MAML3: variants seen among roughly 807,000 people sequenced by gnomAD.
MAML3 encodes the protein mastermind like transcriptional coactivator 3.
In MAML3, 27 loss-of-function variants were observed where a neutral mutation model predicts 101.9. That is an observed-to-expected ratio of 0.27 (90% CI 0.20 to 0.37). The LOEUF (loss-of-function observed/expected upper bound fraction) is 0.37. Ranked by LOEUF, MAML3 falls within the 10% of genes least tolerant of loss-of-function variation. The pLI, the probability that MAML3 is intolerant of heterozygous loss-of-function variation, is 1.00. For missense variants in MAML3, 1,316 were observed against 1,444.9 expected (o/e 0.91, Z 1.45); for synonymous variants, 501 against 555.9 (o/e 0.90, Z 1.39).
At chr4:139,891,912 A>G (rs1732508036) in intron 1 of MAML3, among the ~76,000 whole-genome samples, 1 of 152,064 alleles carries the variant, frequency 6.6e-6, no homozygotes, top group African/African-American at 2.4e-5. Context: ...TCCCTTTACC[A>G]GCTCTTTCTC....
chr4:140,068,021 G>A (rs1056021377), intron 1 of MAML3, among the ~76,000 whole-genome samples: 4 of 152,070 alleles, frequency 2.6e-5, no homozygotes, highest in South Asian at 2.1e-4. Flanking sequence ...GTGAGCCACC[G>A]CACCTGGCAA....
chr4:140,073,812 G>A (rs1258955487), intron 1 of MAML3, among the ~76,000 whole-genome samples: 1 of 152,102 alleles, frequency 6.6e-6, no homozygotes, highest in East Asian at 1.9e-4. Flanking sequence ...AGGAGGCCTG[G>A]TTTGGAGCAG....
intron 2 of MAML3, among the ~76,000 whole-genome samples, chr4:139,862,763 T>C (rs1215773852): frequency 6.6e-6 from 1 of 152,108 alleles, no homozygotes; most frequent in Non-Finnish European, 1.5e-5. Context: ...TGGACTAGAA[T>C]AGAACTAGAA....
At chr4:139,948,027 G>T (rs1387509484) in intron 1 of MAML3, among the ~76,000 whole-genome samples, 1 of 152,054 alleles carries the variant, frequency 6.6e-6, no homozygotes, top group African/African-American at 2.4e-5. Context: ...CTTGAACCTG[G>T]GAGGGTAGGT....
chr4:140,039,932 T>C (rs1727052824), intron 1 of MAML3, among the ~76,000 whole-genome samples: 2 of 152,196 alleles, frequency 1.3e-5, no homozygotes, highest in African/African-American at 4.8e-5. Flanking sequence ...ACTCATTTGC[T>C]ACTGCTGGAG....
chr4:140,067,925 G>T (rs1727568562), intron 1 of MAML3, among the ~76,000 whole-genome samples: 1 of 152,128 alleles, frequency 6.6e-6, no homozygotes, highest in African/African-American at 2.4e-5. Flanking sequence ...TAGAGACAAA[G>T]TTTCACCACT....
In MAML3 at chr4:140,151,608, G is replaced by C. The variant is rs570097350; in HGVS notation, c.468+1252C>G. Among the ~76,000 whole-genome samples, 46 of 152,104 alleles carry C rather than the reference G, an allele frequency of 3.0e-4. 2 individuals carry two copies. In the South Asian group the frequency reaches 6.0e-3, roughly 20 times the overall value. ...CCGCCGATCGCTGGGCGGTCTGCACGGGAAACAGGCGAAGGCGCGCGGCCC... is the reference window on the plus strand; with the variant it reads ...CCGCCGATCGCTGGGCGGTCTGCACCGGAAACAGGCGAAGGCGCGCGGCCC... On this transcript the variant is annotated intron_variant, in intron 1 of 4. Coordinates refer to ENST00000509479, the MANE Select transcript of MAML3 (RefSeq NM_018717.5).
At chr4:139,754,169 A>ATAT (rs1729592831) in intron 2 of MAML3, among the ~76,000 whole-genome samples, 1 of 152,238 alleles carries the variant, frequency 6.6e-6, no homozygotes, top group African/African-American at 2.4e-5. Context: ...AATGCAAACA[A>ATAT]TATTACTATG....
intron 1 of MAML3, among the ~76,000 whole-genome samples, chr4:140,024,807 A>T (rs1286420122): frequency 6.6e-6 from 1 of 152,232 alleles, no homozygotes; most frequent in African/African-American, 2.4e-5. Context: ...AACACTGGTT[A>T]GAGACGTGAA....
chr4:139,805,031 T>G (rs560388605), intron 2 of MAML3, among the ~76,000 whole-genome samples: 1 of 152,056 alleles, frequency 6.6e-6, no homozygotes, highest in Admixed American at 6.6e-5. Flanking sequence ...ATACAAAAAT[T>G]AGCCAGGTTA....
intron 1 of MAML3, among the ~76,000 whole-genome samples, chr4:140,007,403 C>A (rs6846081): frequency 0.26 from 39,637 of 152,056 alleles, 6,535 homozygotes; most frequent in Non-Finnish European, 0.37. Flanking sequence ...TCCTGGGATT[C>A]TTCCTAATGC....
chr4:139,761,494 C>T (rs72946581), intron 2 of MAML3, among the ~76,000 whole-genome samples: 2,047 of 152,262 alleles, frequency 0.013, 55 homozygotes, highest in African/African-American at 0.046. Flanking sequence ...GGCTTCCTTT[C>T]ATCCCATTAA....
intron 2 of MAML3, among the ~76,000 whole-genome samples, chr4:139,786,925 A>G (rs1730313811): frequency 6.6e-6 from 1 of 152,226 alleles, no homozygotes. Flanking sequence ...ACCCGGGGAC[A>G]TCCCTTGTCA....
intron 2 of MAML3, among the ~76,000 whole-genome samples, chr4:139,797,445 T>A (rs1730530747): frequency 6.6e-6 from 1 of 151,970 alleles, no homozygotes; most frequent in Non-Finnish European, 1.5e-5. Flanking sequence ...TTTCAACAAA[T>A]CAAAGGCATA....
chr4:140,071,792 C>T (rs1468334114), intron 1 of MAML3, among the ~76,000 whole-genome samples: 2 of 100,894 alleles, frequency 2.0e-5, no homozygotes, highest in Non-Finnish European at 2.2e-5. Flanking sequence ...AGAGAGAAGG[C>T]ACGCATCTGC....
chr4:140,024,664 T>A (rs1726790925), intron 1 of MAML3, among the ~76,000 whole-genome samples: 1 of 152,082 alleles, frequency 6.6e-6, no homozygotes, highest in Non-Finnish European at 1.5e-5. Context: ...CACCAAAAAA[T>A]ATATATAAAT....
intron 1 of MAML3, among the ~76,000 whole-genome samples, chr4:140,094,777 T>C (rs1324895857): frequency 2.0e-4 from 30 of 152,254 alleles, no homozygotes; most frequent in Admixed American, 2.0e-3. Context: ...GCTTCCTTCC[T>C]CCTTTCCTGT....
intron 1 of MAML3, among the ~76,000 whole-genome samples, chr4:139,930,006 C>T (rs189813488): frequency 1.3e-5 from 2 of 152,288 alleles, no homozygotes; most frequent in Admixed American, 1.3e-4. Flanking sequence ...TCCCATCTCC[C>T]CGTTTGTACA....
chr4:139,985,695 G>C (rs988457670), intron 1 of MAML3, among the ~76,000 whole-genome samples: 2 of 152,216 alleles, frequency 1.3e-5, no homozygotes, highest in African/African-American at 4.8e-5. Flanking sequence ...GGATTGCCCT[G>C]TGAAGGGAGG....
Sources: gnomAD v4.1 joint callset for allele counts (sites outside exome capture counted in the v4.1 genomes callset) on GRCh38, gnomAD v4.1.1 for gene constraint, MANE v1.5 for transcripts, NCBI Gene and HGNC (gene_info 2026-07-23, HGNC 2026-07-21) for gene names.